Variants in TLN2 observed in about 807,000 individuals in gnomAD.
TLN2 encodes the protein talin 2.
A neutral mutation model predicts 294.7 loss-of-function variants in TLN2; 118 were observed. The observed-to-expected ratio is 0.40, with a 90% confidence interval of 0.34 to 0.47. The LOEUF is 0.47. Ranked by LOEUF, TLN2 falls within the 20% of genes least tolerant of loss-of-function variation. The probability of loss-of-function intolerance (pLI) is 0.84; values close to 1 mark genes in which losing one functional copy is unlikely to be tolerated. For missense variants in TLN2, 3,083 were observed against 3,282.2 expected, an observed-to-expected ratio of 0.94 and a Z score of 1.48; for synonymous variants, 1,431 against 1,304.5, an observed-to-expected ratio of 1.10 and a Z score of -2.09.
Position 62,820,992 on chromosome 15 carries a change from T to C in TLN2, c.7002+382T>C, listed in dbSNP as rs72741213. On this transcript the variant is annotated intron_variant, in intron 54 of 58. Transcript: ENST00000636159. ...GCTTTTTACAAAGAAATAGCACTGC[T>C]GGGAATCAGAGGGCAATGAGAACTT... is the stretch of plus-strand genomic sequence containing the variant. 7.5e-3 allele frequency among the ~76,000 whole-genome samples: 1,142 copies of C among 152,308 alleles called. 10 individuals carry two copies. The highest frequency in any genetic ancestry group is 0.035 in the East Asian group (184 of 5,184).
intron 1 of TLN2, among the ~76,000 whole-genome samples, chr15:62,429,076 C>T (rs1893634371): frequency 7.2e-6 from 1 of 138,754 alleles, no homozygotes; most frequent in South Asian, 2.2e-4. Context: ...CCAATTTTGA[C>T]AGGTCACCAG....
chr15:62,808,975 G>A (rs2066486141), intron 51 of TLN2, among the ~76,000 whole-genome samples: 1 of 152,178 alleles, frequency 6.6e-6, no homozygotes. Flanking sequence ...ATGGATCCTG[G>A]TCTTTGCCCT....
intron 2 of TLN2, among the ~76,000 whole-genome samples, chr15:62,613,619 C>G (rs980390771): frequency 6.6e-6 from 1 of 152,152 alleles, no homozygotes; most frequent in African/African-American, 2.4e-5. Context: ...CAAAGACTTT[C>G]ACATGAACGT....
chr15:62,787,386 C>A (rs1018211486), intron 45 of TLN2, among the ~76,000 whole-genome samples: 5 of 152,088 alleles, frequency 3.3e-5, no homozygotes, highest in Non-Finnish European at 7.4e-5. Flanking sequence ...TCCTTAGACC[C>A]CCTCCAACTG....
intron 41 of TLN2, among the ~76,000 whole-genome samples, chr15:62,767,135 T>C (rs1429535377): frequency 1.3e-5 from 2 of 152,128 alleles, no homozygotes; most frequent in African/African-American, 4.8e-5. Context: ...TAGGAAGAAA[T>C]ACAGTAGCCA....
Position 62,707,160 on chromosome 15 carries a change from C to T in TLN2, c.2079C>T (p.Ala693=). 1 of 1,614,190 alleles carries T rather than the reference C, an allele frequency of 6.2e-7. No individual in the cohort carries two copies. The highest frequency in any genetic ancestry group is 8.5e-7 in the Non-Finnish European group (1 of 1,180,044). The change falls in exon 20 of 59, where the codon GCC becomes GCT. Residue 693 remains alanine, a synonymous_variant. Transcript: ENST00000636159. ...TGGTACTAAAGGCAAAGAATGTTGC[C>T]CAAGTGGCCGAAGACACTGTCCTAC... The part of the protein sequence containing the change: ...AMLVLKAKNV[A]QVAEDTVLQN...
intron 11 of TLN2, among the ~76,000 whole-genome samples, chr15:62,677,794 C>T (rs1389717663): frequency 2.0e-5 from 1 of 48,964 alleles, no homozygotes; most frequent in Non-Finnish European, 5.2e-5. Context: ...AGAAAGTAGG[C>T]AGCACTTGCA....
intron 2 of TLN2, among the ~76,000 whole-genome samples, chr15:62,590,061 A>G (rs2045962101): frequency 6.6e-6 from 1 of 152,090 alleles, no homozygotes; most frequent in African/African-American, 2.4e-5. Context: ...GTGAATTCTC[A>G]TTCACTCACA....
At chr15:62,538,991 C>G (rs973713851) in intron 1 of TLN2, among the ~76,000 whole-genome samples, 1 of 152,246 alleles carries the variant, frequency 6.6e-6, no homozygotes, top group East Asian at 1.9e-4. Flanking sequence ...TAGCTTACTT[C>G]TGGTAGGGGA....
At chr15:62,502,773 T>A (rs2039375207) in intron 1 of TLN2, among the ~76,000 whole-genome samples, 1 of 152,178 alleles carries the variant, frequency 6.6e-6, no homozygotes, top group Non-Finnish European at 1.5e-5. Flanking sequence ...CTTGTAAGAA[T>A]GCAAGTGAGT....
intron 1 of TLN2, among the ~76,000 whole-genome samples, chr15:62,470,655 G>A (rs1205186454): frequency 6.6e-6 from 1 of 152,214 alleles, no homozygotes; most frequent in Non-Finnish European, 1.5e-5. Flanking sequence ...TCAAGTGGCA[G>A]GTGAGATCCG....
intron 1 of TLN2, among the ~76,000 whole-genome samples, chr15:62,517,569 A>G (rs549889464): frequency 6.6e-6 from 1 of 152,320 alleles, no homozygotes; most frequent in African/African-American, 2.4e-5. Flanking sequence ...CACACCCCCA[A>G]TATTTTAATT....
rs1381191289 is a variant in TLN2, at chr15:62,652,024, A to G, written c.254A>G (p.Lys85Arg). 1.9e-6 allele frequency: 3 copies of G among 1,610,696 alleles called. No homozygotes were observed. In the African/African-American group the frequency reaches 4.0e-5, roughly 22 times the overall value. Residue 85 changes from lysine to arginine, a missense_variant, in exon 6 of 59, where the codon AAG becomes AGG. Transcript: ENST00000636159. ...CTCTAGGATATTTTGGAATATAAAA[A>G]GAAACAGAGACCTCAGAAAATCCGG... ...LRNGDILEYK[K>R]KQRPQKIRML...
At chr15:62,644,511 ACT>A (rs779109343) in intron 3 of TLN2, 2 of 455,884 alleles carry the variant, frequency 4.4e-6, no homozygotes, top group South Asian at 3.1e-5. Flanking sequence ...TCTCAAGGAA[ACT>A]CACCTCCAAA....
chr15:62,559,894 G>A (rs1057027692), intron 1 of TLN2, among the ~76,000 whole-genome samples: 4 of 152,184 alleles, frequency 2.6e-5, no homozygotes, highest in Non-Finnish European at 4.4e-5. Flanking sequence ...GTAACCTTCT[G>A]TGGCTGTCCT....
intron 22 of TLN2, among the ~76,000 whole-genome samples, chr15:62,714,557 T>C (rs1236176921): frequency 6.6e-6 from 1 of 152,116 alleles, no homozygotes; most frequent in Non-Finnish European, 1.5e-5. Flanking sequence ...ATTTACCAAG[T>C]TACCAGAAAC....
chr15:62,423,792 C>T (rs562867891), intron 1 of TLN2, among the ~76,000 whole-genome samples: 3 of 152,068 alleles, frequency 2.0e-5, no homozygotes, highest in Non-Finnish European at 2.9e-5. Context: ...GTTGGCCGGG[C>T]TGGTCTTGAA....
At chr15:62,831,912 G>C (rs1261690568) in intron 54 of TLN2, 1 of 152,182 alleles carries the variant, frequency 6.6e-6, no homozygotes, top group Admixed American at 6.5e-5. Context: ...TGAACCTCTG[G>C]CACAAACCGT....
At chr15:62,569,482 C>G (rs2043684344) in intron 1 of TLN2, among the ~76,000 whole-genome samples, 1 of 152,170 alleles carries the variant, frequency 6.6e-6, no homozygotes. Flanking sequence ...AGGGGTTAGC[C>G]CGGCATTTGG....
Sources: gnomAD v4.1 joint callset for allele counts (sites outside exome capture counted in the v4.1 genomes callset) on GRCh38, gnomAD v4.1.1 for gene constraint, MANE v1.5 for transcripts, NCBI Gene and HGNC (gene_info 2026-07-23, HGNC 2026-07-21) for gene names.